The following HMCN1 variants were observed in gnomAD, a reference collection of about 807,000 sequenced individuals.
HMCN1 encodes the protein hemicentin-1.
HMCN1 carries 321 observed loss-of-function variants against 625.9 expected under a neutral mutation model. That is an observed-to-expected ratio of 0.51 (90% confidence interval 0.47 to 0.56). The LOEUF is 0.56. Among genes scored for constraint, HMCN1 ranks in the 20% least tolerant of loss-of-function variants. The pLI is 0.00. For synonymous variants in HMCN1, 2,425 were observed against 2,417.6 expected (o/e 1.00, Z -0.09); for missense variants, 6,588 against 6,887.3 (o/e 0.96, Z 1.54).
chr1:186,087,566 A>C lies in HMCN1; in HGVS notation c.9284A>C (p.Lys3095Thr). ...AVPPPVITWY[K>T]NGRMITESTH... ...CCACCTCCAGTCATCACTTGGTATA[A>C]GAATGGGCGGATGATAACAGAGTCT... is the stretch of plus-strand genomic sequence containing the variant. The change falls in exon 60 of 107, where the codon AAG (lysine) becomes ACG (threonine). Residue 3095 changes from lysine (K) to threonine (T), a missense_variant. Around this residue, in one of 3 missense-constraint regions of HMCN1, gnomAD observed 4,628 missense variants for 4,853.1 expected, o/e 0.95. Transcript: ENST00000271588. 1 of 1,613,358 alleles carries C rather than the reference A, an allele frequency of 6.2e-7. No individual in the cohort carries two copies. Among genetic ancestry groups the C allele is most frequent in the African/African-American group, 1.3e-5 (1 of 74,974 alleles).
chr1:185,903,592 A>T (rs944700658), intron 4 of HMCN1, among the ~76,000 whole-genome samples: 3 of 151,716 alleles, frequency 2.0e-5, no homozygotes, highest in Non-Finnish European at 3.0e-5. Context: ...GAATTTTCTA[A>T]ATTAAATAGG....
intron 11 of HMCN1, among the ~76,000 whole-genome samples, chr1:185,949,938 G>A (rs1668556112): frequency 2.0e-5 from 3 of 151,122 alleles, no homozygotes; most frequent in Admixed American, 6.6e-5. Context: ...AGATTTCCAC[G>A]ATGGAAAGGA....
At chr1:186,131,598 A>G (rs1051777190) in intron 85 of HMCN1, among the ~76,000 whole-genome samples, 1 of 152,074 alleles carries the variant, frequency 6.6e-6, no homozygotes, top group African/African-American at 2.4e-5. Flanking sequence ...AAACATCTAA[A>G]CCAACATTTA....
At chr1:185,902,102 T>G (rs928291925) in intron 4 of HMCN1, among the ~76,000 whole-genome samples, 2 of 151,718 alleles carry the variant, frequency 1.3e-5, no homozygotes, top group African/African-American at 4.8e-5. Context: ...CTTCTCTTAA[T>G]TTTTTATTTA....
At chr1:185,796,466 AC>A (rs1658382348) in intron 1 of HMCN1, among the ~76,000 whole-genome samples, 1 of 151,610 alleles carries the variant, frequency 6.6e-6, no homozygotes. Flanking sequence ...CTATTATTCC[AC>A]TCCCTATGTC....
At chr1:186,118,941 A>C (rs1400741709) in intron 77 of HMCN1, among the ~76,000 whole-genome samples, 1 of 152,142 alleles carries the variant, frequency 6.6e-6, no homozygotes, top group Non-Finnish European at 1.5e-5. Flanking sequence ...TGTTTGCATA[A>C]CTCTAAGTAT....
intron 1 of HMCN1, among the ~76,000 whole-genome samples, chr1:185,797,686 G>T (rs1406645090): frequency 7.7e-6 from 1 of 129,900 alleles, no homozygotes. Flanking sequence ...ACTTGTTTTG[G>T]CCGGGCGCGG....
intron 27 of HMCN1, 63 bp from the exon 28 acceptor site, chr1:186,001,531 C>A: frequency 6.2e-7 from 1 of 1,602,958 alleles, no homozygotes; most frequent in South Asian, 1.1e-5. Flanking sequence ...CATTCTACTT[C>A]AATTTTTAAT....
At chr1:185,762,743 G>GA (rs1655593886) in intron 1 of HMCN1, among the ~76,000 whole-genome samples, 1 of 152,016 alleles carries the variant, frequency 6.6e-6, no homozygotes, top group Admixed American at 6.6e-5. Context: ...TATCCTAAAG[G>GA]AAAAAAACAC....
At chr1:186,126,954 G>A (rs1386295190) in intron 82 of HMCN1, among the ~76,000 whole-genome samples, 1 of 152,128 alleles carries the variant, frequency 6.6e-6, no homozygotes, top group African/African-American at 2.4e-5. Context: ...CTCTCTGGAG[G>A]CAGATGAGAA....
chr1:186,140,949 T>C (rs1361353838), intron 89 of HMCN1, among the ~76,000 whole-genome samples: 2 of 152,144 alleles, frequency 1.3e-5, no homozygotes, highest in Non-Finnish European at 2.9e-5. Context: ...ACATTACATT[T>C]ATTGTGGATT....
At chr1:185,741,545 A>G (rs372963124) in intron 1 of HMCN1, among the ~76,000 whole-genome samples, 1 of 152,184 alleles carries the variant, frequency 6.6e-6, no homozygotes, top group African/African-American at 2.4e-5. Flanking sequence ...CTATAAATGG[A>G]GAAGAGAAGA....
At chr1:186,038,716 A>C in intron 37 of HMCN1, 113 bp from the exon 38 acceptor site, 1 of 709,430 alleles carries the variant, frequency 1.4e-6, no homozygotes, top group Non-Finnish European at 2.5e-6. Flanking sequence ...AAACAGATTA[A>C]ATTCAAATAA....
chr1:186,166,302 A>G lies in HMCN1; in HGVS notation c.15438A>G (p.Gln5146=). The change falls in exon 99 of 107, where the codon CAA becomes CAG. Residue 5146 remains glutamine (Q), a splice_region_variant and synonymous_variant. Coordinates refer to ENST00000271588, the MANE Select transcript of HMCN1 (RefSeq NM_031935.3). The part of the protein sequence containing the change: ...LTIAADGRTC[Q]DIDECALGRH... ...TAGCTGCAGATGGAAGAACTTGTCA[A>G]GGTATTCACAAATCTAATACACACA... The G allele has an allele frequency of 6.2e-7, 1 of 1,614,136 alleles. No individual in the cohort carries two copies. Among genetic ancestry groups the G allele is most frequent in the Non-Finnish European group, 8.5e-7 (1 of 1,180,000 alleles).
chr1:185,922,669 A>G (rs1050060865), intron 7 of HMCN1, among the ~76,000 whole-genome samples, 170 bp downstream of exon 7: 60 of 152,194 alleles, frequency 3.9e-4, no homozygotes, highest in African/African-American at 1.4e-3. Flanking sequence ...TAATCCCAAG[A>G]CCACTGATAT....
In HMCN1 at chr1:186,055,649, C is replaced by G. The variant is rs1346747493; in HGVS notation, c.7119C>G (p.Asp2373Glu). 6.2e-7 allele frequency: 1 copy of G among 1,612,418 alleles called. No homozygotes were observed. The highest frequency in any genetic ancestry group is 1.7e-5 in the Admixed American group (1 of 59,846). ...CTGTGAATGTAGCAGGAATGACTGACAAAAAATATGACTTAAGTGTCCATG... is the reference window on the plus strand; with the variant it reads ...CTGTGAATGTAGCAGGAATGACTGAGAAAAAATATGACTTAAGTGTCCATG... ...CVAVNVAGMTDKKYDLSVHAP... is the reference protein window; with the variant it reads ...CVAVNVAGMTEKKYDLSVHAP... Residue 2373 changes from aspartate to glutamate, a missense_variant, in exon 45 of 107, where the codon GAC becomes GAG. Transcript: ENST00000271588.
At chr1:185,775,748 A>G (rs183539916) in intron 1 of HMCN1, among the ~76,000 whole-genome samples, 168 of 151,386 alleles carry the variant, frequency 1.1e-3, no homozygotes, top group African/African-American at 3.9e-3. Context: ...CAGTCCACTG[A>G]CTAAGTATGT....
chr1:185,866,810 A>G (rs764120245), intron 4 of HMCN1, among the ~76,000 whole-genome samples: 3 of 151,986 alleles, frequency 2.0e-5, no homozygotes, highest in Non-Finnish European at 4.4e-5. Context: ...GTTTCTAGGA[A>G]CATACCAATA....
chr1:186,118,049 C>A (rs1386073858), intron 77 of HMCN1, among the ~76,000 whole-genome samples: 1 of 152,020 alleles, frequency 6.6e-6, no homozygotes, highest in Non-Finnish European at 1.5e-5. Context: ...ATAACTAAAA[C>A]AGGGTTCTAG....
Sources: gnomAD v4.1 joint callset for allele counts (sites outside exome capture counted in the v4.1 genomes callset) on GRCh38, gnomAD v4.1.1 for gene constraint, gnomAD v4.1.1 regional missense constraint, MANE v1.5 for transcripts, NCBI Gene and HGNC (gene_info 2026-07-23, HGNC 2026-07-21) for gene names.